VSNL1: variants seen among roughly 807,000 people sequenced by gnomAD.
VSNL1 encodes the protein visinin like 1, also known as visinin-like protein 1.
A neutral mutation model predicts 20.4 loss-of-function variants in VSNL1; 6 were observed. The ratio of observed to expected loss-of-function variants is 0.29; its 90% CI spans 0.16 to 0.58. The LOEUF is 0.58. Among genes scored for constraint, VSNL1 ranks in the 20% least tolerant of loss-of-function variants. The pLI, the probability that VSNL1 is intolerant of heterozygous loss-of-function variation, is 0.90. For missense variants in VSNL1, 100 were observed against 234.5 expected (o/e 0.43, Z 3.75); for synonymous variants, 93 against 86.4 (o/e 1.08, Z -0.42).
At chr2:17,621,894 A>G (rs1438389431) in intron 2 of VSNL1, among the ~76,000 whole-genome samples, 1 of 152,114 alleles carries the variant, frequency 6.6e-6, no homozygotes, top group East Asian at 1.9e-4. Context: ...CTCCCAAAGC[A>G]ATGAGATTAT....
In VSNL1 at chr2:17,649,292, C is replaced by CT; in HGVS notation, c.163-118_163-117insT. The CT allele has an allele frequency of 2.0e-6, 2 of 999,846 alleles. No individual in the cohort carries two copies. Among genetic ancestry groups the CT allele is most frequent in the Non-Finnish European group, 3.1e-6 (2 of 650,454 alleles). 61.9% of individuals were successfully genotyped at this position (999,846 alleles called of 1,614,324 possible). ...TTGACAGTCAGGCCAAACTGCTCTC[C>CT]AATGGGTGAGGCTCCGACAACGCCC... is the stretch of plus-strand genomic sequence containing the variant. On this transcript the variant is annotated intron_variant, in intron 2 of 3. Transcript: ENST00000295156. The surrounding 1 kb of genome is among the most constrained non-coding windows in gnomAD (Gnocchi z 6.4).
At chr2:17,642,606 C>G (rs1363426725) in intron 2 of VSNL1, among the ~76,000 whole-genome samples, 3 of 152,152 alleles carry the variant, frequency 2.0e-5, no homozygotes, top group Non-Finnish European at 4.4e-5. Flanking sequence ...CTGCGCCCAG[C>G]CGGTGAGCAT....
chr2:17,617,495 T>TAA (rs113227311), intron 2 of VSNL1, among the ~76,000 whole-genome samples: 1 of 144,882 alleles, frequency 6.9e-6, no homozygotes. Context: ...GACTCTGTCT[T>TAA]AAAAAAAAAA....
chr2:17,591,442 C>A (rs1279744048), intron 1 of VSNL1, among the ~76,000 whole-genome samples: 1 of 152,120 alleles, frequency 6.6e-6, no homozygotes, highest in Non-Finnish European at 1.5e-5. Flanking sequence ...AGAAGAAAAC[C>A]ATTAAGATTT....
chr2:17,617,100 A>G (rs1572200740), intron 2 of VSNL1, among the ~76,000 whole-genome samples: 1 of 152,124 alleles, frequency 6.6e-6, no homozygotes, highest in East Asian at 1.9e-4. Flanking sequence ...ACTTAATCTC[A>G]TAGCTGTGAG....
At chr2:17,622,543 A>G (rs143261461) in intron 2 of VSNL1, among the ~76,000 whole-genome samples, 1,610 of 55,800 alleles carry the variant, frequency 0.029, 33 homozygotes, top group Middle Eastern at 0.068. Flanking sequence ...AAAGAAAGAA[A>G]GAAAGAAAGA....
intron 3 of VSNL1, among the ~76,000 whole-genome samples, chr2:17,650,845 G>T (rs1666109164): frequency 6.6e-6 from 1 of 152,116 alleles, no homozygotes; most frequent in African/African-American, 2.4e-5. Context: ...TTCTCCGTTG[G>T]CTTCTCCCCT....
intron 1 of VSNL1, among the ~76,000 whole-genome samples, chr2:17,570,907 G>A (rs766652464): frequency 5.9e-5 from 9 of 151,918 alleles, no homozygotes; most frequent in Admixed American, 4.6e-4. Context: ...CGGTGGTGGC[G>A]CCTGTAATCC....
At chr2:17,570,365 C>T (rs368149968) in intron 1 of VSNL1, among the ~76,000 whole-genome samples, 11 of 152,282 alleles carry the variant, frequency 7.2e-5, no homozygotes, top group South Asian at 6.2e-4. Context: ...ATGTTTTGAA[C>T]GTGTGCTCCA....
chr2:17,641,687 T>C (rs892156100), intron 2 of VSNL1, among the ~76,000 whole-genome samples: 1 of 152,176 alleles, frequency 6.6e-6, no homozygotes, highest in African/African-American at 2.4e-5. Context: ...CCAATGGAGA[T>C]AGAAATAGGG....
At chr2:17,549,147 T>C (rs1205881481) in intron 1 of VSNL1, among the ~76,000 whole-genome samples, 1 of 152,244 alleles carries the variant, frequency 6.6e-6, no homozygotes, top group African/African-American at 2.4e-5. Flanking sequence ...TCTGGTGATA[T>C]CACTTGCATA....
At chr2:17,552,093 G>C (rs201009169) in intron 1 of VSNL1, among the ~76,000 whole-genome samples, 1 of 151,346 alleles carries the variant, frequency 6.6e-6, no homozygotes, top group Non-Finnish European at 1.5e-5. Flanking sequence ...CCAGCTACTC[G>C]GGAGGCTGAG....
chr2:17,564,370 C>T (rs538138442), intron 1 of VSNL1, among the ~76,000 whole-genome samples: 3 of 152,260 alleles, frequency 2.0e-5, no homozygotes, highest in African/African-American at 7.2e-5. Context: ...TAATGAGATG[C>T]ATATTTATCA....
chr2:17,602,733 C>T (rs1199236603), intron 2 of VSNL1, among the ~76,000 whole-genome samples: 1 of 150,696 alleles, frequency 6.6e-6, no homozygotes, highest in Non-Finnish European at 1.5e-5. Context: ...GAGTAAGACT[C>T]CATCTCAAAA....
rs1664569183 is a variant in VSNL1 at position 17,590,247 on chromosome 2, T to A, written c.-5-1823T>A. On this transcript the variant is annotated intron_variant, in intron 1 of 3. Transcript: ENST00000295156. ...CTAGTTTAAGAATGAAGGTTTGTAA[T>A]TCTCTACCAAAAAACCAAAGTAAAG... Among the ~76,000 whole-genome samples, 3 of 152,172 alleles carry A rather than the reference T, an allele frequency of 2.0e-5. No individual in the cohort carries two copies. The South Asian group carries it at 6.2e-4, about 32-fold the overall frequency.
chr2:17,590,886 T>G (rs1664579657), intron 1 of VSNL1, among the ~76,000 whole-genome samples: 1 of 152,202 alleles, frequency 6.6e-6, no homozygotes, highest in African/African-American at 2.4e-5. Flanking sequence ...ATTTGAAAGA[T>G]CATCTGGCAC....
intron 3 of VSNL1, among the ~76,000 whole-genome samples, chr2:17,652,644 T>C (rs1454506978): frequency 6.6e-6 from 1 of 152,224 alleles, no homozygotes; most frequent in African/African-American, 2.4e-5. Context: ...AGCAAGCTCT[T>C]TGCATTAAGA....
chr2:17,558,181 A>G (rs1347536969), intron 1 of VSNL1, among the ~76,000 whole-genome samples: 1 of 152,202 alleles, frequency 6.6e-6, no homozygotes, highest in Non-Finnish European at 1.5e-5. Context: ...TTATGTCCTG[A>G]CATAAGGTTT....
chr2:17,609,369 G>A (rs910890095), intron 2 of VSNL1, among the ~76,000 whole-genome samples: 2 of 152,180 alleles, frequency 1.3e-5, no homozygotes, highest in African/African-American at 2.4e-5. Context: ...ATAGCTAGCC[G>A]CAGAGAACAC....
Sources: gnomAD v4.1 joint callset for allele counts (sites outside exome capture counted in the v4.1 genomes callset) on GRCh38, gnomAD v4.1.1 for gene constraint, Gnocchi (gnomAD v3.1) non-coding constraint, MANE v1.5 for transcripts, NCBI Gene and HGNC (gene_info 2026-07-23, HGNC 2026-07-21) for gene names.